Variants in KLHL7 observed in about 807,000 individuals in gnomAD.
KLHL7 encodes kelch like family member 7.
A neutral mutation model predicts 67.4 loss-of-function variants in KLHL7; 44 were observed. The observed-to-expected ratio is 0.65, with a 90% CI of 0.51 to 0.84. The LOEUF is 0.84. Among genes scored for constraint, KLHL7 ranks in the 40% least tolerant of loss-of-function variants. The probability of loss-of-function intolerance (pLI) is 0.00; values close to 1 mark genes in which losing one functional copy is unlikely to be tolerated. For missense variants in KLHL7, 362 were observed against 718.1 expected (o/e 0.50, Z 5.67); for synonymous variants, 252 against 243.3 (o/e 1.04, Z -0.33).
intron 7 of KLHL7, among the ~76,000 whole-genome samples, chr7:23,161,325 T>C (rs189739114): frequency 5.8e-4 from 88 of 152,302 alleles, no homozygotes; most frequent in African/African-American, 2.1e-3. Flanking sequence ...TTCACATCAG[T>C]GAGAATGTCA....
intron 9 of KLHL7, chr7:23,172,311 TA>T (rs1785187145): frequency 2.6e-6 from 1 of 379,174 alleles, no homozygotes; most frequent in Non-Finnish European, 5.2e-6. Flanking sequence ...TCCACATTTA[TA>T]TTCTCAGTTT....
At chr7:23,110,709 C>A (rs1782832773) in intron 1 of KLHL7, among the ~76,000 whole-genome samples, 1 of 150,788 alleles carries the variant, frequency 6.6e-6, no homozygotes, top group Non-Finnish European at 1.5e-5. Flanking sequence ...TGGTGTGCTG[C>A]ACCCATTAAC....
chr7:23,152,338 T>C (rs553453447), intron 7 of KLHL7, 129 bp downstream of exon 7: 1 of 820,956 alleles, frequency 1.2e-6, no homozygotes, highest in South Asian at 1.4e-5. Flanking sequence ...CTTTCACATA[T>C]GTTATGAGAT....
intron 5 of KLHL7, among the ~76,000 whole-genome samples, chr7:23,142,206 T>G (rs1027173750): frequency 6.6e-6 from 1 of 152,210 alleles, no homozygotes; most frequent in East Asian, 1.9e-4. Context: ...GGGAACACTT[T>G]AATATGCAGA....
At position 23,125,187 on chromosome 7, in the gene KLHL7, A is replaced by G; in HGVS notation, c.442+15A>G. 6.2e-7 allele frequency: 1 copy of G among 1,611,812 alleles called. No homozygotes were observed. The highest frequency in any genetic ancestry group is 2.2e-5 in the East Asian group (1 of 44,768). On this transcript the variant is annotated intron_variant, in intron 4 of 10. Coordinates refer to ENST00000339077, the MANE Select transcript of KLHL7 (RefSeq NM_001031710.3). ...AAATTGTCTTGGTAAGAAATATCAG[A>G]TTCCTGTTGTGTGTTTATTTTGTTT...
Position 23,140,909 on chromosome 7 carries a change from A to G in KLHL7, c.583A>G (p.Asn195Asp), listed in dbSNP as rs1784159612. The change falls in exon 5 of 11, where the codon AAC becomes GAC. Residue 195 changes from asparagine to aspartate, a missense_variant. By Grantham distance (23) the Asn-to-Asp change is conservative. This residue lies in a region of KLHL7 where 155 missense variants were observed against 280.8 expected (regional missense o/e 0.55). Coordinates refer to ENST00000339077, the MANE Select transcript of KLHL7 (RefSeq NM_001031710.3). ...LDVKRVTHLLNQDTLTVRAED... is the reference protein window; with the variant it reads ...LDVKRVTHLLDQDTLTVRAED... ...TGTCAAGCGAGTAACACATCTTCTCAACCAGGACACTCTGACTGTGAGAGC... is the reference window on the plus strand; with the variant it reads ...TGTCAAGCGAGTAACACATCTTCTCGACCAGGACACTCTGACTGTGAGAGC... 1 of 1,614,082 alleles carries G rather than the reference A, an allele frequency of 6.2e-7. No homozygotes were observed. Among genetic ancestry groups the G allele is most frequent in the Non-Finnish European group, 8.5e-7 (1 of 1,180,010 alleles).
intron 5 of KLHL7, 145 bp from the exon 6 acceptor site, chr7:23,143,706 C>T: frequency 2.4e-6 from 2 of 843,998 alleles, no homozygotes; most frequent in Non-Finnish European, 4.0e-6. Context: ...TTTTGAAGAA[C>T]CAGCAAGTGT....
chr7:23,109,671 T>A (rs986617366), intron 1 of KLHL7, among the ~76,000 whole-genome samples: 23 of 152,218 alleles, frequency 1.5e-4, no homozygotes, highest in African/African-American at 5.3e-4. Flanking sequence ...GACTGTAAAT[T>A]ACTACATGTC....
At chr7:23,165,636 C>G (rs369931671) in intron 7 of KLHL7, 62 bp from the exon 8 acceptor site, 18 of 1,566,542 alleles carry the variant, frequency 1.1e-5, no homozygotes, top group East Asian at 1.1e-4. Context: ...TGTATCTTTG[C>G]ATTGTCCTTT....
intron 7 of KLHL7, among the ~76,000 whole-genome samples, chr7:23,159,437 T>G (rs1356365732): frequency 6.6e-6 from 1 of 152,154 alleles, no homozygotes; most frequent in Non-Finnish European, 1.5e-5. Context: ...CCCAAAGCAC[T>G]GGGATAAAAG....
In KLHL7 at chr7:23,107,455, C is replaced by G. The variant is rs185929416; in HGVS notation, c.120+1309C>G. On this transcript the variant is annotated intron_variant, in intron 1 of 10. Transcript: ENST00000339077. ...CTCATTAGGTTCCCTCCCACTCCCT[C>G]GAATATATGTTTTCATTCGTGGATC... Among the ~76,000 whole-genome samples, 9 of 152,280 alleles carry G rather than the reference C, an allele frequency of 5.9e-5. No individual in the cohort carries two copies. In the East Asian group the frequency reaches 1.5e-3, roughly 26 times the overall value.
intron 1 of KLHL7, among the ~76,000 whole-genome samples, chr7:23,123,515 G>A (rs1783437716): frequency 6.6e-6 from 1 of 151,686 alleles, no homozygotes; most frequent in African/African-American, 2.4e-5. Context: ...TTCTCTGAAG[G>A]GTTAGTAGAC....
At chr7:23,147,026 T>A (rs1389829172) in intron 6 of KLHL7, among the ~76,000 whole-genome samples, 1 of 152,090 alleles carries the variant, frequency 6.6e-6, no homozygotes, top group Non-Finnish European at 1.5e-5. Flanking sequence ...TCTTAATTTA[T>A]TTCAGATATT....
Position 23,174,606 on chromosome 7 carries a change from T to G in KLHL7, c.*308T>G, listed in dbSNP as rs996622509. The G allele has an allele frequency of 4.0e-6, 2 of 501,974 alleles. No homozygotes were observed. The highest frequency in any genetic ancestry group is 2.3e-5 in the Admixed American group (1 of 44,048). 31.1% of individuals were successfully genotyped at this position (501,974 alleles called of 1,614,324 possible). A position where few individuals can be genotyped will look rare whatever the true frequency, so the allele number is the denominator to read the frequency against. ...CTATGATTTTGGCAGAATAGAAGAT[T>G]GGCTCATCAGTGAAGCGCAGTATCT... On this transcript the variant is annotated 3_prime_UTR_variant, in exon 11 of 11. Coordinates refer to ENST00000339077, the MANE Select transcript of KLHL7 (RefSeq NM_001031710.3).
At chr7:23,125,769 G>C (rs1342069481) in intron 4 of KLHL7, 1 of 1,498,892 alleles carries the variant, frequency 6.7e-7, no homozygotes, top group East Asian at 2.5e-5. Flanking sequence ...AGGAGAAGCA[G>C]AAAAAGTTGA....
At chr7:23,149,004 T>G (rs901500574) in intron 6 of KLHL7, among the ~76,000 whole-genome samples, 23 of 152,210 alleles carry the variant, frequency 1.5e-4, no homozygotes, top group Non-Finnish European at 2.4e-4. Context: ...TCATCAGTTG[T>G]CTTCCTACCA....
At chr7:23,118,466 C>G (rs147331422) in intron 1 of KLHL7, among the ~76,000 whole-genome samples, 2 of 152,182 alleles carry the variant, frequency 1.3e-5, no homozygotes, top group South Asian at 2.1e-4. Context: ...GAGGAGCAAC[C>G]CTGCCCCAAT....
intron 7 of KLHL7, among the ~76,000 whole-genome samples, chr7:23,153,226 G>T (rs1284427686): frequency 3.3e-5 from 5 of 151,108 alleles, no homozygotes; most frequent in Admixed American, 2.0e-4. Context: ...TGAGGCGGCG[G>T]GGGGGCTACA....
At chr7:23,134,948 T>G (rs950076523) in intron 4 of KLHL7, among the ~76,000 whole-genome samples, 9 of 152,210 alleles carry the variant, frequency 5.9e-5, no homozygotes, top group African/African-American at 1.7e-4. Context: ...GTTTTATTTT[T>G]TCTCTGATCT....
Sources: gnomAD v4.1 joint callset for allele counts (sites outside exome capture counted in the v4.1 genomes callset) on GRCh38, gnomAD v4.1.1 for gene constraint, gnomAD v4.1.1 regional missense constraint, MANE v1.5 for transcripts, NCBI Gene and HGNC (gene_info 2026-07-23, HGNC 2026-07-21) for gene names.